The following THSD7B variants were observed in gnomAD, a reference collection of about 807,000 sequenced individuals.
THSD7B encodes the protein thrombospondin type 1 domain containing 7B.
THSD7B carries 138 observed loss-of-function variants against 213.6 expected under a neutral mutation model. The observed-to-expected ratio is 0.65, with a 90% CI of 0.56 to 0.74. The LOEUF is 0.74. Ranked by LOEUF, THSD7B falls within the 30% of genes least tolerant of loss-of-function variation. The pLI is 0.00. For synonymous variants in THSD7B, 742 were observed against 687.0 expected, an observed-to-expected ratio of 1.08 and a Z score of -1.25; for missense variants, 1,931 against 1,991.5, an observed-to-expected ratio of 0.97 and a Z score of 0.58.
At chr2:136,780,228 C>T (rs1352390141) in intron 1 of THSD7B, among the ~76,000 whole-genome samples, 7 of 152,140 alleles carry the variant, frequency 4.6e-5, no homozygotes, top group African/African-American at 1.4e-4. Flanking sequence ...AATGGTGCCT[C>T]ATTGCTGTGT....
intron 5 of THSD7B, among the ~76,000 whole-genome samples, chr2:137,144,112 T>A (rs1438978882): frequency 6.6e-6 from 1 of 152,058 alleles, no homozygotes; most frequent in Non-Finnish European, 1.5e-5. Context: ...AAAATGTCAT[T>A]CCTCTGGGTG....
At chr2:137,577,149 A>T (rs933290367) in intron 17 of THSD7B, among the ~76,000 whole-genome samples, 1 of 152,094 alleles carries the variant, frequency 6.6e-6, no homozygotes, top group African/African-American at 2.4e-5. Flanking sequence ...TTCTGGTTGC[A>T]TGTGCTAAAT....
chr2:137,352,602 C>G (rs1222565428), intron 12 of THSD7B, among the ~76,000 whole-genome samples: 1 of 152,000 alleles, frequency 6.6e-6, no homozygotes, highest in Non-Finnish European at 1.5e-5. Flanking sequence ...TCTGCCATGA[C>G]TTCGGCCCTC....
chr2:137,132,361 G>T (rs559134086), intron 5 of THSD7B, among the ~76,000 whole-genome samples: 5 of 115,556 alleles, frequency 4.3e-5, no homozygotes, highest in African/African-American at 1.4e-4. Flanking sequence ...TCCTAAAAGG[G>T]TATTCAATTT....
At chr2:136,995,960 T>C (rs964426917) in intron 2 of THSD7B, among the ~76,000 whole-genome samples, 2 of 152,348 alleles carry the variant, frequency 1.3e-5, no homozygotes, top group Non-Finnish European at 1.5e-5. Flanking sequence ...CTGTCAGCTC[T>C]CACTACTTGA....
chr2:136,964,656 A>G (rs1260505873), intron 2 of THSD7B, among the ~76,000 whole-genome samples: 1 of 152,106 alleles, frequency 6.6e-6, no homozygotes, highest in Non-Finnish European at 1.5e-5. Context: ...AAAACAAAAC[A>G]ATAACAAAAA....
At chr2:136,847,997 G>A (rs564890017) in intron 1 of THSD7B, among the ~76,000 whole-genome samples, 36 of 152,124 alleles carry the variant, frequency 2.4e-4, no homozygotes, top group South Asian at 2.1e-4. Context: ...CTCTCACTGT[G>A]GGGGTGGAAG....
At chr2:137,113,548 C>T (rs925011078) in intron 4 of THSD7B, among the ~76,000 whole-genome samples, 9 of 152,072 alleles carry the variant, frequency 5.9e-5, no homozygotes, top group South Asian at 2.1e-4. Context: ...GTGATTCTCC[C>T]GTCTCAGCCT....
chr2:137,048,374 C>A (rs1490443047), intron 2 of THSD7B, among the ~76,000 whole-genome samples: 2 of 152,068 alleles, frequency 1.3e-5, no homozygotes, highest in Non-Finnish European at 2.9e-5. Context: ...AAATGAGATG[C>A]ACTAAATGTT....
intron 12 of THSD7B, among the ~76,000 whole-genome samples, chr2:137,399,674 G>A (rs1686305161): frequency 6.6e-6 from 1 of 152,060 alleles, no homozygotes; most frequent in Non-Finnish European, 1.5e-5. Flanking sequence ...TTATCAGGGT[G>A]ATTTTTTTCT....
At chr2:137,481,711 G>A (rs976473122) in intron 15 of THSD7B, among the ~76,000 whole-genome samples, 1 of 152,114 alleles carries the variant, frequency 6.6e-6, no homozygotes, top group African/African-American at 2.4e-5. Context: ...TTACCTTTGG[G>A]ATATAGTTTG....
In THSD7B at chr2:137,312,795, G is replaced by A. The variant is rs528554606; in HGVS notation, c.2500+36769G>A. On this transcript the variant is annotated intron_variant, in intron 12 of 27. Coordinates refer to ENST00000409968, the MANE Select transcript of THSD7B (RefSeq NM_001316349.2). ...TAGTCATTCAGGAGCAGGTTGTTCA[G>A]TTTCCATGTAGTTGAGCAGTTTTGA... 2.7e-3 allele frequency among the ~76,000 whole-genome samples: 406 copies of A among 151,730 alleles called. 2 individuals are homozygous for A. Among genetic ancestry groups the A allele is most frequent in the East Asian group, 0.016 (82 of 5,170 alleles).
intron 14 of THSD7B, among the ~76,000 whole-genome samples, chr2:137,424,999 G>A (rs1470612076): frequency 2.0e-5 from 3 of 151,472 alleles, no homozygotes; most frequent in Non-Finnish European, 4.4e-5. Context: ...GTGAACCCGG[G>A]AGGCGGAGCT....
rs185805150 is a variant in THSD7B at position 137,625,233 on chromosome 2, C to G, written c.3799+4507C>G. ...AGCAAACTATCACAAGGTCAGAAAACCAAAGACTGCATGTTCTCACTCACA... is the reference window on the plus strand; with the variant it reads ...AGCAAACTATCACAAGGTCAGAAAAGCAAAGACTGCATGTTCTCACTCACA... On this transcript the variant is annotated intron_variant, in intron 20 of 27. Coordinates refer to ENST00000409968, the MANE Select transcript of THSD7B (RefSeq NM_001316349.2). 5.4e-3 allele frequency among the ~76,000 whole-genome samples: 801 copies of G among 148,986 alleles called. 9 individuals are homozygous for G. The highest frequency in any genetic ancestry group is 0.019 in the African/African-American group (771 of 40,360).
At chr2:137,315,400 C>T (rs1356923203) in intron 12 of THSD7B, among the ~76,000 whole-genome samples, 1 of 152,144 alleles carries the variant, frequency 6.6e-6, no homozygotes, top group African/African-American at 2.4e-5. Flanking sequence ...GACCTGCGCC[C>T]ACTGTCTGGC....
At chr2:137,152,918 C>T (rs570701718) in intron 5 of THSD7B, among the ~76,000 whole-genome samples, 2 of 152,270 alleles carry the variant, frequency 1.3e-5, no homozygotes, top group South Asian at 4.1e-4. Flanking sequence ...CTCTCACTTG[C>T]CGCCTTTCTC....
At chr2:136,964,761 G>T (rs1461237379) in intron 2 of THSD7B, among the ~76,000 whole-genome samples, 2 of 152,078 alleles carry the variant, frequency 1.3e-5, no homozygotes, top group Non-Finnish European at 2.9e-5. Context: ...CCAGCACTTT[G>T]GGAGGCCGAG....
intron 3 of THSD7B, among the ~76,000 whole-genome samples, chr2:137,061,486 ATAGGTTTTTTTTTTTTG>A (rs1687269767): frequency 7.2e-6 from 1 of 138,150 alleles, no homozygotes; most frequent in Non-Finnish European, 1.5e-5. Flanking sequence ...TTTGTTAGCT[ATAGGTTTTTTTTTTTTG>A]TAGGTGTTTT....
chr2:136,808,912 A>C (rs2710172), intron 1 of THSD7B, among the ~76,000 whole-genome samples: 4,845 of 152,174 alleles, frequency 0.032, 253 homozygotes, highest in African/African-American at 0.11. Context: ...AAGGTCTATA[A>C]AAACCTTGCA....
Sources: allele counts gnomAD v4.1 joint callset (sites outside exome capture counted in the v4.1 genomes callset), GRCh38; gene constraint gnomAD v4.1.1; transcripts MANE v1.5; gene names NCBI Gene and HGNC (gene_info 2026-07-23, HGNC 2026-07-21).